PROM1: variants seen among roughly 807,000 people sequenced by gnomAD.
PROM1 encodes prominin 1.
A neutral mutation model predicts 116.9 loss-of-function variants in PROM1; 105 were observed. The observed-to-expected ratio is 0.90, with a 90% CI of 0.77 to 1.06. The LOEUF is 1.06. PROM1 is among the 50% of genes least tolerant of loss of function. PROM1 has a pLI of 0.00. For synonymous variants in PROM1, 393 were observed against 387.0 expected (o/e 1.02, Z -0.18); for missense variants, 1,122 against 1,045.2 (o/e 1.07, Z -1.01).
At chr4:16,057,741 T>G (rs572521998) in intron 2 of PROM1, among the ~76,000 whole-genome samples, 1 of 152,326 alleles carries the variant, frequency 6.6e-6, no homozygotes, top group Middle Eastern at 3.4e-3. Context: ...TCTATTTATA[T>G]CTACCTAGGT....
At chr4:16,004,828 T>TTTCTTTCTTTCTTTC (rs1560459874) in intron 13 of PROM1, among the ~76,000 whole-genome samples, 4 of 77,872 alleles carry the variant, frequency 5.1e-5, no homozygotes, top group African/African-American at 1.7e-4. Flanking sequence ...TCTTTCTTTC[T>TTTCTTTCTTTCTTTC]TTTTCTTCCT....
chr4:15,996,588 T>C (rs1457554774), intron 15 of PROM1, among the ~76,000 whole-genome samples: 1 of 152,204 alleles, frequency 6.6e-6, no homozygotes, highest in Non-Finnish European at 1.5e-5. Context: ...ATAACTTCTG[T>C]GGTTTGGCTA....
At chr4:15,994,334 T>C (rs1214219699) in intron 15 of PROM1, among the ~76,000 whole-genome samples, 7 of 152,210 alleles carry the variant, frequency 4.6e-5, no homozygotes, top group Non-Finnish European at 1.0e-4. Context: ...TCCTACATGC[T>C]CTAGTTCTGC....
intron 12 of PROM1, 56 bp from the exon 13 acceptor site, chr4:16,006,746 C>CAAA: frequency 6.4e-7 from 1 of 1,560,840 alleles, no homozygotes; most frequent in Non-Finnish European, 8.7e-7. Context: ...CACCCTAACA[C>CAAA]AAAAGCTGCT....
At chr4:15,983,578 G>A (rs1485731290) in intron 23 of PROM1, among the ~76,000 whole-genome samples, 7 of 152,198 alleles carry the variant, frequency 4.6e-5, no homozygotes, top group Admixed American at 3.9e-4. Flanking sequence ...AACGGCATGT[G>A]CATGGGCCCT....
chr4:16,048,583 T>A lies in PROM1; in HGVS notation c.221-9582A>T, dbSNP rs190729287. Among the ~76,000 whole-genome samples the A allele has an allele frequency of 6.2e-3, 942 of 152,260 alleles. 2 individuals carry two copies. The highest frequency in any genetic ancestry group is 0.01 in the Non-Finnish European group (700 of 68,018). ...GGAGAGGGAGGTCTCCCTTTTTTTT[T>A]ATTTAAAATGCAAGTTGAACACCTT... On this transcript the variant is annotated intron_variant, in intron 2 of 27. Transcript: ENST00000447510.
At chr4:16,065,919 G>A (rs1194444473) in intron 2 of PROM1, among the ~76,000 whole-genome samples, 1 of 152,162 alleles carries the variant, frequency 6.6e-6, no homozygotes, top group African/African-American at 2.4e-5. Context: ...TCCTGGACTT[G>A]GGGTAGGCCC....
At chr4:15,994,661 A>C (rs1163078233) in intron 15 of PROM1, among the ~76,000 whole-genome samples, 1 of 152,178 alleles carries the variant, frequency 6.6e-6, no homozygotes, top group Non-Finnish European at 1.5e-5. Flanking sequence ...CCTCAATCAT[A>C]TCTCTAAAAT....
chr4:15,984,465 C>T, intron 22 of PROM1, 110 bp from the exon 23 acceptor site: 2 of 758,168 alleles, frequency 2.6e-6, no homozygotes, highest in Non-Finnish European at 4.1e-6. Context: ...TCTCCATGTC[C>T]TCTAAGACAG....
chr4:15,979,758 G>A, intron 25 of PROM1, 123 bp downstream of exon 25: 25 of 1,025,434 alleles, frequency 2.4e-5, no homozygotes, highest in Non-Finnish European at 3.3e-5. Flanking sequence ...ATTTTTGCCT[G>A]TACAGATCTG....
At chr4:16,009,181 A>G (rs1000825549) in intron 11 of PROM1, 73 bp from the exon 12 acceptor site, 101 of 1,362,422 alleles carry the variant, frequency 7.4e-5, no homozygotes, top group Non-Finnish European at 1.0e-4. Flanking sequence ...GGAACCAAAC[A>G]GAAAAGCCTG....
At chr4:16,054,535 T>C (rs1450201524) in intron 2 of PROM1, among the ~76,000 whole-genome samples, 1 of 152,212 alleles carries the variant, frequency 6.6e-6, no homozygotes, top group Non-Finnish European at 1.5e-5. Context: ...TGAGTTCAAA[T>C]TCCAGGTCAG....
Position 15,998,371 on chromosome 4 carries a change from G to C in PROM1, c.1682+14C>G, listed in dbSNP as rs774308659. 6.4e-7 allele frequency: 1 copy of C among 1,574,504 alleles called. No homozygotes were observed. The highest frequency in any genetic ancestry group is 2.3e-5 in the East Asian group (1 of 43,944). ...CATCTTAAATAGCGAAATGTATAAT[G>C]CAAATATTGATACCTGTAAACTTGT... On this transcript the variant is annotated intron_variant, in intron 15 of 27. Transcript: ENST00000447510.
At chr4:16,051,180 CAA>C (rs557907035) in intron 2 of PROM1, among the ~76,000 whole-genome samples, 171 of 152,240 alleles carry the variant, frequency 1.1e-3, no homozygotes, top group African/African-American at 3.8e-3. Context: ...ACAGCATGTT[CAA>C]AGTTATTCAG....
intron 5 of PROM1, among the ~76,000 whole-genome samples, chr4:16,027,159 C>CA (rs1731501856): frequency 6.6e-6 from 1 of 152,086 alleles, no homozygotes; most frequent in Admixed American, 6.6e-5. Flanking sequence ...TTGGAATGAC[C>CA]GCCTTATAAT....
intron 21 of PROM1, 50 bp from the exon 22 acceptor site, chr4:15,985,878 C>A (rs144529353): frequency 4.4e-5 from 3 of 67,626 alleles, no homozygotes; most frequent in Non-Finnish European, 8.4e-5. Context: ...TGACAGCATA[C>A]TTAAACATTA....
At chr4:15,972,301 C>A (rs1158296859) in intron 26 of PROM1, among the ~76,000 whole-genome samples, 1 of 152,058 alleles carries the variant, frequency 6.6e-6, no homozygotes, top group African/African-American at 2.4e-5. Flanking sequence ...GGGTAACTTA[C>A]AAAGAAAAAA....
intron 2 of PROM1, among the ~76,000 whole-genome samples, chr4:16,054,002 G>A (rs901918124): frequency 6.6e-6 from 1 of 152,236 alleles, no homozygotes; most frequent in African/African-American, 2.4e-5. Context: ...GCCAAGGCAG[G>A]AGAATCGCTT....
At chr4:16,045,359 T>A (rs975263179) in intron 2 of PROM1, among the ~76,000 whole-genome samples, 17 of 152,138 alleles carry the variant, frequency 1.1e-4, no homozygotes, top group African/African-American at 3.6e-4. Flanking sequence ...AGTGGAGAAT[T>A]CCGAAGCCCA....
Sources: allele counts gnomAD v4.1 joint callset (sites outside exome capture counted in the v4.1 genomes callset), GRCh38; gene constraint gnomAD v4.1.1; transcripts MANE v1.5; gene names NCBI Gene and HGNC (gene_info 2026-07-23, HGNC 2026-07-21).